RAB3GAP2: variants seen among roughly 807,000 people sequenced by gnomAD.
The protein encoded by RAB3GAP2 is rab3 GTPase-activating protein non-catalytic subunit.
RAB3GAP2 carries 87 observed loss-of-function variants against 185.3 expected under a neutral mutation model. That is an observed-to-expected ratio of 0.47 (90% CI 0.39 to 0.56). The LOEUF (loss-of-function observed/expected upper bound fraction) is 0.56, where lower values mean the gene tolerates loss of function less well. Ranked by LOEUF, RAB3GAP2 falls within the 20% of genes least tolerant of loss-of-function variation. The pLI is 0.00. For missense variants in RAB3GAP2, 1,492 were observed against 1,638.2 expected (o/e 0.91, Z 1.54); for synonymous variants, 554 against 576.1 (o/e 0.96, Z 0.55).
At chr1:220,164,555 G>T (rs1658030459) in intron 27 of RAB3GAP2, among the ~76,000 whole-genome samples, 178 bp downstream of exon 27, 1 of 145,526 alleles carries the variant, frequency 6.9e-6, no homozygotes, top group Non-Finnish European at 1.5e-5. Context: ...GCTCACTGCA[G>T]CCTTGAACTA....
chr1:220,175,152 A>G (rs1254653583), intron 21 of RAB3GAP2, among the ~76,000 whole-genome samples: 2 of 152,142 alleles, frequency 1.3e-5, no homozygotes, highest in African/African-American at 4.8e-5. Context: ...TTGCCACTAG[A>G]TTCACTTTGA....
chr1:220,219,073 T>G (rs543042219), intron 2 of RAB3GAP2, among the ~76,000 whole-genome samples: 4 of 152,300 alleles, frequency 2.6e-5, no homozygotes, highest in African/African-American at 9.6e-5. Context: ...TTTTACCATA[T>G]TATGAAGCAA....
At chr1:220,203,725 A>C (rs547529033) in intron 8 of RAB3GAP2, among the ~76,000 whole-genome samples, 10 of 152,334 alleles carry the variant, frequency 6.6e-5, no homozygotes, top group African/African-American at 2.4e-4. Flanking sequence ...AAATGTTCTC[A>C]AGATAGTGAA....
intron 21 of RAB3GAP2, among the ~76,000 whole-genome samples, chr1:220,178,503 G>C (rs1658337876): frequency 6.6e-6 from 1 of 152,158 alleles, no homozygotes. Context: ...GGGGAGAAGA[G>C]AGTTAATGCG....
intron 23 of RAB3GAP2, 53 bp downstream of exon 23, chr1:220,171,836 C>A: frequency 1.2e-6 from 2 of 1,609,852 alleles, no homozygotes; most frequent in South Asian, 2.2e-5. Flanking sequence ...AGGAAAGCAT[C>A]CCCTTAGCCT....
chr1:220,252,152 G>GA (rs58516168), intron 1 of RAB3GAP2, among the ~76,000 whole-genome samples: 1,302 of 96,066 alleles, frequency 0.014, 12 homozygotes, highest in Admixed American at 0.044. Context: ...CTCAAAAAAA[G>GA]AAAAAAAAAA....
At chr1:220,213,547 T>C (rs1019351346) in intron 3 of RAB3GAP2, among the ~76,000 whole-genome samples, 1 of 151,888 alleles carries the variant, frequency 6.6e-6, no homozygotes, top group African/African-American at 2.4e-5. Flanking sequence ...AAAAGGTCAA[T>C]GACCTTTTTA....
At position 220,153,334 on chromosome 1, in the gene RAB3GAP2, C is replaced by T; in HGVS notation, c.3718G>A (p.Glu1240Lys). The part of the protein sequence containing the change: ...SATKVKDPTE[E>K]ATPTPFGKDQ... ...TTCCCAAAAGGAGTGGGTGTGGCCT[C>T]TTCTGTGGGATCTTTGACCTTTGTG... Residue 1240 changes from glutamate to lysine, a missense_variant, in exon 33 of 35, where the codon GAG (glutamate) becomes AAG (lysine). Physicochemically the swap from Glu to Lys is moderately conservative, Grantham distance 56 (BLOSUM62 1). This residue lies in a region of RAB3GAP2 where 387 missense variants were observed against 455.3 expected (regional missense o/e 0.85). Transcript: ENST00000358951. The T allele has an allele frequency of 6.2e-7, 1 of 1,614,224 alleles. No homozygotes were observed. Among genetic ancestry groups the T allele is most frequent in the Non-Finnish European group, 8.5e-7 (1 of 1,180,026 alleles).
At chr1:220,243,044 C>CTTTATT (rs1224829184) in intron 1 of RAB3GAP2, among the ~76,000 whole-genome samples, 11 of 152,222 alleles carry the variant, frequency 7.2e-5, no homozygotes, top group Admixed American at 4.6e-4. Context: ...CAACATCAGC[C>CTTTATT]TTTATTTTTT....
chr1:220,194,396 C>CA (rs909078691), intron 12 of RAB3GAP2, among the ~76,000 whole-genome samples: 1 of 147,052 alleles, frequency 6.8e-6, no homozygotes, highest in Non-Finnish European at 1.5e-5. Context: ...CCTGCTTTTA[C>CA]TTTTTTTTTT....
intron 1 of RAB3GAP2, among the ~76,000 whole-genome samples, chr1:220,264,924 C>G (rs936163449): frequency 1.3e-5 from 2 of 152,030 alleles, no homozygotes; most frequent in African/African-American, 4.8e-5. Context: ...GCTTGAGGGA[C>G]TTATTTTATT....
intron 1 of RAB3GAP2, chr1:220,267,261 A>G: frequency 1.1e-6 from 1 of 909,576 alleles, no homozygotes; most frequent in East Asian, 2.4e-5. Flanking sequence ...GAAGTTCTGT[A>G]TTGACTGTTT....
At chr1:220,228,770 A>G (rs1462467771) in intron 2 of RAB3GAP2, among the ~76,000 whole-genome samples, 1 of 152,222 alleles carries the variant, frequency 6.6e-6, no homozygotes, top group African/African-American at 2.4e-5. Context: ...TACACCCAAA[A>G]TGGTTGTGAA....
chr1:220,209,607 G>A (rs1659041396), intron 7 of RAB3GAP2, among the ~76,000 whole-genome samples: 1 of 151,984 alleles, frequency 6.6e-6, no homozygotes, highest in African/African-American at 2.4e-5. Flanking sequence ...GATATTATTA[G>A]ATTTTAATCC....
At chr1:220,259,811 C>T (rs1444420149) in intron 1 of RAB3GAP2, among the ~76,000 whole-genome samples, 3 of 151,744 alleles carry the variant, frequency 2.0e-5, no homozygotes. Context: ...TGATAATCTA[C>T]AGGAGAAAAT....
intron 8 of RAB3GAP2, among the ~76,000 whole-genome samples, chr1:220,204,257 T>C (rs972388745): frequency 3.3e-5 from 5 of 152,172 alleles, no homozygotes; most frequent in Admixed American, 2.6e-4. Context: ...GTGGTTCTTT[T>C]CTAGTAAATG....
At chr1:220,180,196 A>T (rs923930393) in intron 21 of RAB3GAP2, among the ~76,000 whole-genome samples, 5 of 152,094 alleles carry the variant, frequency 3.3e-5, no homozygotes, top group Admixed American at 6.6e-5. Context: ...ATAGTAATAA[A>T]CACCTCAATA....
chr1:220,213,291 A>C (rs1659117399), intron 3 of RAB3GAP2, among the ~76,000 whole-genome samples: 1 of 152,160 alleles, frequency 6.6e-6, no homozygotes, highest in African/African-American at 2.4e-5. Flanking sequence ...ATGACGGAGA[A>C]AATTTTTCTA....
At chr1:220,241,151 A>G (rs1173375509) in intron 1 of RAB3GAP2, among the ~76,000 whole-genome samples, 22 of 152,220 alleles carry the variant, frequency 1.4e-4, no homozygotes, top group Admixed American at 6.5e-5. Context: ...CCACAGCTCT[A>G]TTTAATTCCC....
Sources: gnomAD v4.1 joint callset for allele counts (sites outside exome capture counted in the v4.1 genomes callset) on GRCh38, gnomAD v4.1.1 for gene constraint, gnomAD v4.1.1 regional missense constraint, MANE v1.5 for transcripts, NCBI Gene and HGNC (gene_info 2026-07-23, HGNC 2026-07-21) for gene names.